The following TLL2 variants were observed in gnomAD, a reference collection of about 807,000 sequenced individuals.
TLL2 encodes tolloid like 2, also known as tolloid-like protein 2.
Under a neutral mutation model 123.0 loss-of-function variants are expected in TLL2, and 106 were observed. That is an observed-to-expected ratio of 0.86 (90% CI 0.74 to 1.01). The LOEUF (loss-of-function observed/expected upper bound fraction) is 1.01. Among genes scored for constraint, TLL2 ranks in the 50% least tolerant of loss-of-function variants. TLL2 has a pLI of 0.00. For synonymous variants in TLL2, 494 were observed against 516.8 expected, an observed-to-expected ratio of 0.96 and a Z score of 0.60; for missense variants, 1,332 against 1,336.7, an observed-to-expected ratio of 1.00 and a Z score of 0.06.
chr10:96,476,240 A>ATATTCTTTTTTT, intron 2 of TLL2, among the ~76,000 whole-genome samples: 1 of 20,502 alleles, frequency 4.9e-5, no homozygotes. Flanking sequence ...ATATATATAT[A>ATATTCTTTTTTT]TTTTATTTTT....
chr10:96,428,515 C>A, intron 5 of TLL2, 116 bp downstream of exon 5: 1 of 707,242 alleles, frequency 1.4e-6, no homozygotes. Context: ...TTCTAGCAAA[C>A]CCTGGACTCC....
At chr10:96,450,198 G>T (rs1485470898) in intron 2 of TLL2, among the ~76,000 whole-genome samples, 1 of 151,862 alleles carries the variant, frequency 6.6e-6, no homozygotes, top group Non-Finnish European at 1.5e-5. Flanking sequence ...TGGATGGATG[G>T]ATGGACATAC....
At chr10:96,415,763 C>CTG (rs1846554384) in intron 7 of TLL2, among the ~76,000 whole-genome samples, 2 of 34,126 alleles carry the variant, frequency 5.9e-5, no homozygotes, top group East Asian at 1.3e-3. Context: ...CTCTCTCTCT[C>CTG]TCTGTCTCTC....
rs1337156993 is a variant in TLL2, at chr10:96,495,696, C to T, written c.176-15237G>A. On this transcript the variant is annotated intron_variant, in intron 1 of 20. Coordinates refer to ENST00000357947, the MANE Select transcript of TLL2 (RefSeq NM_012465.4). ...TTTGCAGAACAGGAGGGGAGAGGTT[C>T]GGGCTCTTGGAGGAGAGGAAACAGG... Among the ~76,000 whole-genome samples the T allele has an allele frequency of 2.6e-5, 4 of 152,026 alleles. No individual in the cohort carries two copies. In the South Asian group the frequency reaches 6.2e-4, roughly 24 times the overall value.
At chr10:96,436,125 A>G (rs946423049) in intron 3 of TLL2, among the ~76,000 whole-genome samples, 4 of 152,236 alleles carry the variant, frequency 2.6e-5, no homozygotes, top group African/African-American at 7.2e-5. Context: ...TTTATGTGTC[A>G]TATATTCTTT....
chr10:96,492,999 G>C (rs1847430576), intron 1 of TLL2, among the ~76,000 whole-genome samples: 2 of 152,118 alleles, frequency 1.3e-5, no homozygotes, highest in South Asian at 4.1e-4. Flanking sequence ...ATTGATCTTT[G>C]AACACCAATC....
chr10:96,416,450 C>T (rs1277703418), intron 7 of TLL2, among the ~76,000 whole-genome samples: 1 of 152,162 alleles, frequency 6.6e-6, no homozygotes, highest in Non-Finnish European at 1.5e-5. Flanking sequence ...GCCATTATCA[C>T]AAGAGCTCTC....
At chr10:96,487,033 G>A (rs1486462019) in intron 1 of TLL2, among the ~76,000 whole-genome samples, 1 of 152,212 alleles carries the variant, frequency 6.6e-6, no homozygotes, top group African/African-American at 2.4e-5. Flanking sequence ...TTGTTCACCT[G>A]GGGAGGCAGG....
At chr10:96,488,047 T>C (rs530646280) in intron 1 of TLL2, among the ~76,000 whole-genome samples, 9 of 152,336 alleles carry the variant, frequency 5.9e-5, no homozygotes, top group African/African-American at 2.2e-4. Flanking sequence ...CCTCAGTTTC[T>C]TCATCTTCCA....
At chr10:96,429,538 A>T (rs1332700412) in intron 4 of TLL2, among the ~76,000 whole-genome samples, 1 of 152,092 alleles carries the variant, frequency 6.6e-6, no homozygotes, top group East Asian at 1.9e-4. Context: ...GGGCTTCCCA[A>T]ATTTTCCTTT....
Position 96,432,888 on chromosome 10 carries a change from C to G in TLL2, c.439G>C (p.Val147Leu). Reference sequence around the variant, plus strand: ...GTCCTTGAGGTTGTGGCTCTTCGGACCCGGGGAGAGAAGGTCTTGGCTGCG... The same window carrying G: ...GTCCTTGAGGTTGTGGCTCTTCGGAGCCGGGGAGAGAAGGTCTTGGCTGCG... ...HAAAKTFSPRVRRATTSRTER... is the reference protein window; with the variant it reads ...HAAAKTFSPRLRRATTSRTER... Residue 147 changes from valine to leucine, a missense_variant, in exon 4 of 21, where the codon GTC (valine) becomes CTC (leucine). Physicochemically the swap from Val to Leu is conservative, Grantham distance 32. Transcript: ENST00000357947. 6.2e-7 allele frequency: 1 copy of G among 1,614,116 alleles called. No homozygotes were observed. The highest frequency in any genetic ancestry group is 1.3e-5 in the African/African-American group (1 of 75,024).
chr10:96,427,144 A>C (rs542128582), intron 5 of TLL2, among the ~76,000 whole-genome samples: 8 of 152,264 alleles, frequency 5.3e-5, no homozygotes, highest in Admixed American at 5.2e-4. Context: ...GGGGACTTTT[A>C]ACTTACCAGC....
intron 3 of TLL2, among the ~76,000 whole-genome samples, chr10:96,433,330 C>T (rs1020940846): frequency 2.6e-4 from 39 of 152,192 alleles, no homozygotes; most frequent in African/African-American, 8.2e-4. Flanking sequence ...CAATCTCTTG[C>T]CTTGATCCAA....
In TLL2 at chr10:96,428,734, T is replaced by C. The variant is rs754784460; in HGVS notation, c.535A>G (p.Ile179Val). 9 of 1,612,806 alleles carry C rather than the reference T, an allele frequency of 5.6e-6. No individual in the cohort carries two copies. In the African/African-American group the frequency reaches 9.4e-5, roughly 17 times the overall value. ...CAGTGTCTCATGGCCTGCTTAAAAA[T>C]GGCCCTCTGGCTCCCTGAAACAACA... is the stretch of plus-strand genomic sequence containing the variant. ...GGNFTGSQRA[I>V]FKQAMRHWEK... is the part of the protein sequence containing the mutation. Residue 179 changes from isoleucine to valine, a missense_variant, in exon 5 of 21, where the codon ATT becomes GTT. Ile to Val is a conservative substitution (Grantham distance 29). Transcript: ENST00000357947.
intron 18 of TLL2, among the ~76,000 whole-genome samples, chr10:96,376,429 G>A (rs1247525517): frequency 2.6e-5 from 4 of 152,254 alleles, no homozygotes; most frequent in African/African-American, 4.8e-5. Flanking sequence ...TGCAGATGTG[G>A]GTGGTGGATG....
intron 1 of TLL2, among the ~76,000 whole-genome samples, chr10:96,510,220 A>G (rs1241627530): frequency 2.6e-5 from 4 of 152,212 alleles, no homozygotes; most frequent in Admixed American, 2.6e-4. Flanking sequence ...TGTCAGAGGC[A>G]TGGTGGTTGG....
chr10:96,437,679 C>G (rs1390667220), intron 3 of TLL2, among the ~76,000 whole-genome samples: 1 of 152,114 alleles, frequency 6.6e-6, no homozygotes, highest in East Asian at 1.9e-4. Context: ...TAATTATGCT[C>G]TTCTCACTCA....
intron 10 of TLL2, among the ~76,000 whole-genome samples, chr10:96,402,623 G>A (rs1846407081): frequency 6.6e-6 from 1 of 152,210 alleles, no homozygotes; most frequent in African/African-American, 2.4e-5. Context: ...CTGCCACTGT[G>A]GGGCGGACTC....
intron 3 of TLL2, among the ~76,000 whole-genome samples, chr10:96,441,326 G>A (rs561172706): frequency 6.6e-6 from 1 of 152,322 alleles, no homozygotes; most frequent in East Asian, 1.9e-4. Context: ...CAGCAATCTC[G>A]AAAGGCTGAA....
Sources: allele counts gnomAD v4.1 joint callset (sites outside exome capture counted in the v4.1 genomes callset), GRCh38; gene constraint gnomAD v4.1.1; transcripts MANE v1.5; gene names NCBI Gene and HGNC (gene_info 2026-07-23, HGNC 2026-07-21).